RFX4: variants seen among roughly 807,000 people sequenced by gnomAD.
RFX4 encodes regulatory factor X4.
In RFX4, 10 loss-of-function variants were observed where a neutral mutation model predicts 95.0. That is an observed-to-expected ratio of 0.11 (90% CI 0.06 to 0.18). The LOEUF is 0.18. Ranked by LOEUF, RFX4 falls within the 10% of genes least tolerant of loss-of-function variation. The pLI, the probability that RFX4 is intolerant of heterozygous loss-of-function variation, is 1.00. For synonymous variants in RFX4, 321 were observed against 340.7 expected (o/e 0.94, Z 0.64); for missense variants, 640 against 922.0 (o/e 0.69, Z 3.96).
intron 5 of RFX4, 43 bp from the exon 6 acceptor site, chr12:106,686,839 CTT>C (rs56287989): frequency 0.088 from 122,095 of 1,384,370 alleles, 3,366 homozygotes; most frequent in Middle Eastern, 0.11. Flanking sequence ...GGGTCTCTCT[CTT>C]TTTTTTTTTT....
intron 4 of RFX4, among the ~76,000 whole-genome samples, chr12:106,657,230 T>C (rs1022188862): frequency 4.6e-5 from 7 of 152,222 alleles, no homozygotes; most frequent in African/African-American, 1.7e-4. Context: ...TTACAATTCA[T>C]TGATGAACTT....
intron 7 of RFX4, among the ~76,000 whole-genome samples, chr12:106,690,518 G>C (rs566046419): frequency 6.6e-6 from 1 of 152,226 alleles, no homozygotes; most frequent in East Asian, 1.9e-4. Flanking sequence ...TAGCACACTG[G>C]AGGTTTATTT....
At chr12:106,690,986 T>C (rs181824660) in intron 7 of RFX4, among the ~76,000 whole-genome samples, 53 of 152,256 alleles carry the variant, frequency 3.5e-4, no homozygotes, top group African/African-American at 1.2e-3. Flanking sequence ...CCATACACTA[T>C]TGGAGAGATA....
At chr12:106,601,161 G>C (rs1292908140) in intron 1 of RFX4, 2 of 1,486,300 alleles carry the variant, frequency 1.3e-6, no homozygotes, top group Non-Finnish European at 1.8e-6. Context: ...CCACTGACCT[G>C]AGCCACCCCC....
At chr12:106,676,689 G>A (rs1048010471) in intron 4 of RFX4, among the ~76,000 whole-genome samples, 4 of 152,068 alleles carry the variant, frequency 2.6e-5, no homozygotes, top group African/African-American at 9.7e-5. Flanking sequence ...TAGCCTATTG[G>A]GTGCAGGGCC....
At chr12:106,682,120 C>T in intron 5 of RFX4, 66 bp downstream of exon 5, 1 of 1,526,312 alleles carries the variant, frequency 6.6e-7, no homozygotes, top group Non-Finnish European at 9.1e-7. Flanking sequence ...AGGCCACACC[C>T]TTGGCTCTTT....
At chr12:106,599,582 G>A (rs1170897856) in intron 1 of RFX4, among the ~76,000 whole-genome samples, 1 of 152,106 alleles carries the variant, frequency 6.6e-6, no homozygotes, top group Non-Finnish European at 1.5e-5. Flanking sequence ...GCTCACCTGT[G>A]TCCTATTGTG....
intron 3 of RFX4, among the ~76,000 whole-genome samples, chr12:106,648,483 C>A (rs2040793134): frequency 6.6e-6 from 1 of 150,594 alleles, no homozygotes; most frequent in African/African-American, 2.4e-5. Context: ...GATTGCTTAG[C>A]AAGGGTTTTT....
At chr12:106,603,319 T>C (rs750761158) in intron 1 of RFX4, among the ~76,000 whole-genome samples, 6 of 152,218 alleles carry the variant, frequency 3.9e-5, no homozygotes, top group Non-Finnish European at 7.3e-5. Flanking sequence ...AATGAAGCCT[T>C]GTAGAAAACA....
At chr12:106,627,242 AAAATATCATTGCGGGCCGGACACAGTG>A (rs2040320410) in intron 2 of RFX4, among the ~76,000 whole-genome samples, 1 of 152,238 alleles carries the variant, frequency 6.6e-6, no homozygotes, top group South Asian at 2.1e-4. Context: ...CTATTGTATT[AAAATATCATTGCGGGCCGGACACAGTG>A]GCTCATGCCT....
intron 4 of RFX4, among the ~76,000 whole-genome samples, chr12:106,677,125 A>T (rs952046305): frequency 6.6e-6 from 1 of 152,204 alleles, no homozygotes; most frequent in Admixed American, 6.5e-5. Context: ...TGGTTAGCAC[A>T]GTGCCTGAGC....
intron 17 of RFX4, among the ~76,000 whole-genome samples, chr12:106,756,874 T>C (rs974608155): frequency 6.6e-6 from 1 of 152,210 alleles, no homozygotes; most frequent in Admixed American, 6.5e-5. Context: ...ACTAGCTCTG[T>C]GAAAGCCAGG....
At chr12:106,750,888 T>A (rs1179725345) in intron 17 of RFX4, 95 bp downstream of exon 17, 2 of 1,153,950 alleles carry the variant, frequency 1.7e-6, no homozygotes, top group Non-Finnish European at 2.3e-6. Flanking sequence ...ATACTGTGTG[T>A]GCAGCGTGTG....
At chr12:106,736,161 A>T (rs2042705555) in intron 15 of RFX4, among the ~76,000 whole-genome samples, 1 of 152,172 alleles carries the variant, frequency 6.6e-6, no homozygotes, top group Admixed American at 6.5e-5. Flanking sequence ...ACACAACAGA[A>T]ATCTATTTCA....
chr12:106,740,934 G>C (rs2042793775), intron 15 of RFX4, among the ~76,000 whole-genome samples: 1 of 152,150 alleles, frequency 6.6e-6, no homozygotes, highest in Non-Finnish European at 1.5e-5. Flanking sequence ...ATGTGCACAG[G>C]CCTCAGGCAG....
chr12:106,720,615 C>A lies in RFX4; in HGVS notation c.1234-144C>A. The A allele has an allele frequency of 2.8e-6, 2 of 721,208 alleles. No individual in the cohort carries two copies. The highest frequency in any genetic ancestry group is 4.9e-6 in the Non-Finnish European group (2 of 410,864). The allele number at this position is 721,208 out of a possible 1,614,324, so 44.7% of individuals were successfully genotyped here. ...CCCAGGCTGGTCTCAAACTCCTAGG[C>A]TCATGCGATCATCCGCCCACCTTGG... On this transcript the variant is annotated intron_variant, in intron 12 of 17. Coordinates refer to ENST00000392842, the MANE Select transcript of RFX4 (RefSeq NM_213594.3). This position sits in a 1 kb window ranked among gnomAD's most constrained non-coding sequence, Gnocchi z 4.2.
chr12:106,617,733 G>A (rs911879160), intron 2 of RFX4, among the ~76,000 whole-genome samples: 1 of 151,990 alleles, frequency 6.6e-6, no homozygotes, highest in Non-Finnish European at 1.5e-5. Context: ...TGGGTTTGTT[G>A]TTGTTGTTTT....
intron 10 of RFX4, among the ~76,000 whole-genome samples, chr12:106,712,071 A>G (rs1386158737): frequency 6.6e-6 from 1 of 152,260 alleles, no homozygotes; most frequent in African/African-American, 2.4e-5. Context: ...TTGCACTTTA[A>G]TGAAGGGACT....
At chr12:106,714,068 C>CAAGAAAAAAAAAAAAAA (rs2042239824) in intron 10 of RFX4, among the ~76,000 whole-genome samples, 1 of 30,524 alleles carries the variant, frequency 3.3e-5, no homozygotes, top group Non-Finnish European at 5.9e-5. Context: ...AACTCCATCT[C>CAAGAAAAAAAAAAAAAA]AAAAAAAAAA....
Sources: allele counts gnomAD v4.1 joint callset (sites outside exome capture counted in the v4.1 genomes callset), GRCh38; gene constraint gnomAD v4.1.1; non-coding constraint Gnocchi (gnomAD v3.1); transcripts MANE v1.5; gene names NCBI Gene and HGNC (gene_info 2026-07-23, HGNC 2026-07-21).